KATNAL1: variants seen among roughly 807,000 people sequenced by gnomAD.
KATNAL1 encodes katanin catalytic subunit A1 like 1.
Under a neutral mutation model 55.2 loss-of-function variants are expected in KATNAL1, and 32 were observed. That is an observed-to-expected ratio of 0.58 (90% CI 0.44 to 0.78). The LOEUF (loss-of-function observed/expected upper bound fraction) is 0.78, where lower values mean the gene tolerates loss of function less well. Among genes scored for constraint, KATNAL1 ranks in the 30% least tolerant of loss-of-function variants. The pLI is 0.00. For synonymous variants in KATNAL1, 193 were observed against 193.6 expected (o/e 1.00, Z 0.02); for missense variants, 466 against 600.9 (o/e 0.78, Z 2.35).
At chr13:30,244,187 T>C (rs1035135965) in intron 4 of KATNAL1, among the ~76,000 whole-genome samples, 1 of 152,050 alleles carries the variant, frequency 6.6e-6, no homozygotes, top group Admixed American at 6.6e-5. Flanking sequence ...AGTGTTTGGT[T>C]TTCTGTTCCT....
chr13:30,277,920 T>C (rs967174777), intron 3 of KATNAL1, among the ~76,000 whole-genome samples: 5 of 139,386 alleles, frequency 3.6e-5, no homozygotes, highest in Non-Finnish European at 6.0e-5. Context: ...GAGGCGGAGC[T>C]TGCAGTGAGC....
intron 1 of KATNAL1, among the ~76,000 whole-genome samples, chr13:30,302,679 T>G (rs1282967351): frequency 3.3e-5 from 5 of 152,198 alleles, no homozygotes; most frequent in Admixed American, 6.5e-5. Flanking sequence ...AAATACATTG[T>G]TTTTTGGAGA....
chr13:30,223,137 AG>A (rs1408759548), intron 9 of KATNAL1, among the ~76,000 whole-genome samples: 1 of 151,660 alleles, frequency 6.6e-6, no homozygotes, highest in Non-Finnish European at 1.5e-5. Context: ...ACAAATAGCA[AG>A]GCTCAACTAT....
At chr13:30,225,509 T>C (rs1376808085) in intron 9 of KATNAL1, among the ~76,000 whole-genome samples, 2 of 152,226 alleles carry the variant, frequency 1.3e-5, no homozygotes, top group Non-Finnish European at 2.9e-5. Context: ...TGGAACAGAA[T>C]AGTATTCAGA....
At chr13:30,217,825 TACTC>T (rs1874441724) in intron 9 of KATNAL1, among the ~76,000 whole-genome samples, 1 of 151,988 alleles carries the variant, frequency 6.6e-6, no homozygotes, top group Non-Finnish European at 1.5e-5. Flanking sequence ...CCATGGTAAA[TACTC>T]AATAAATGTT....
chr13:30,220,452 C>T (rs1874733144), intron 9 of KATNAL1, among the ~76,000 whole-genome samples: 1 of 151,836 alleles, frequency 6.6e-6, no homozygotes, highest in Non-Finnish European at 1.5e-5. Flanking sequence ...CAGAGCAAGA[C>T]TCCATCTCAA....
At position 30,283,652 on chromosome 13, in the gene KATNAL1, T is replaced by G. The variant is rs1012792245; in HGVS notation, c.126A>C (p.Ser42=). The change falls in exon 2 of 11, where the codon TCA becomes TCC. Residue 42 remains serine (S), a synonymous_variant. Transcript: ENST00000380615. ...TGCCTTTGATAGCTGGATCTCTGAC[T>G]GACTGGCAATGTCTCTGAATCTGCT... is the stretch of plus-strand genomic sequence containing the variant. ...VMQQIQRHCQ[S]VRDPAIKGKW... 1.2e-6 allele frequency: 2 copies of G among 1,613,886 alleles called. No individual in the cohort carries two copies. The highest frequency in any genetic ancestry group is 1.7e-6 in the Non-Finnish European group (2 of 1,179,942).
At position 30,290,257 on chromosome 13, in the gene KATNAL1, C is replaced by T. The variant is rs181727232; in HGVS notation, c.-14-6466G>A. Among the ~76,000 whole-genome samples the T allele has an allele frequency of 2.6e-5, 4 of 151,918 alleles. No homozygotes were observed. In the East Asian group the frequency reaches 7.7e-4, roughly 29 times the overall value. The stretch of plus-strand genomic sequence containing the variant: ...AAAACAAGAGAAAATTTCAATGTAG[C>T]CAAAAGCAGGTTCTTCACAAATATC... On this transcript the variant is annotated intron_variant, in intron 1 of 10. Transcript: ENST00000380615.
intron 3 of KATNAL1, among the ~76,000 whole-genome samples, chr13:30,276,221 G>T (rs1880830730): frequency 6.6e-6 from 1 of 152,070 alleles, no homozygotes; most frequent in African/African-American, 2.4e-5. Context: ...ATATTATTTT[G>T]ATTTATCCAA....
intron 10 of KATNAL1, among the ~76,000 whole-genome samples, chr13:30,209,303 T>G (rs752476485): frequency 6.6e-6 from 1 of 152,148 alleles, no homozygotes; most frequent in East Asian, 1.9e-4. Context: ...AATATGAAGG[T>G]CTGGAAGAAA....
intron 6 of KATNAL1, among the ~76,000 whole-genome samples, chr13:30,232,528 T>C (rs1011823072): frequency 9.2e-5 from 14 of 152,176 alleles, no homozygotes; most frequent in Non-Finnish European, 1.8e-4. Flanking sequence ...TTGCATGAGG[T>C]TGAGATTTTA....
At position 30,279,140 on chromosome 13, in the gene KATNAL1, G is replaced by A. The variant is rs117157753; in HGVS notation, c.323+923C>T. Among the ~76,000 whole-genome samples, 184 of 152,284 alleles carry A rather than the reference G, an allele frequency of 1.2e-3. 1 individual carries two copies. The East Asian group carries it at 0.024, about 20-fold the overall frequency. ...AATAAAGCAGACAGAAAGCCAGAAA[G>A]ACCTAAACTCACATCCTGATCTAGC... On this transcript the variant is annotated intron_variant, in intron 3 of 10. Coordinates refer to ENST00000380615, the MANE Select transcript of KATNAL1 (RefSeq NM_032116.5).
intron 9 of KATNAL1, among the ~76,000 whole-genome samples, 162 bp downstream of exon 9, chr13:30,227,250 G>C (rs746578968): frequency 5.3e-5 from 8 of 152,138 alleles, no homozygotes; most frequent in Non-Finnish European, 1.0e-4. Flanking sequence ...TGAAACATAA[G>C]AAATTTCAAT....
chr13:30,218,185 T>C (rs1874487654), intron 9 of KATNAL1, among the ~76,000 whole-genome samples: 1 of 137,434 alleles, frequency 7.3e-6, no homozygotes, highest in East Asian at 2.2e-4. Flanking sequence ...ATACATAAGA[T>C]GTGAACTTGC....
At chr13:30,293,175 T>TA (rs149971546) in intron 1 of KATNAL1, among the ~76,000 whole-genome samples, 3,080 of 152,318 alleles carry the variant, frequency 0.02, 39 homozygotes, top group Non-Finnish European at 0.032. Context: ...ATCCAGGAAT[T>TA]AGACTTCCTC....
intron 1 of KATNAL1, among the ~76,000 whole-genome samples, chr13:30,285,550 C>G (rs1484955944): frequency 6.6e-6 from 1 of 152,156 alleles, no homozygotes; most frequent in Non-Finnish European, 1.5e-5. Flanking sequence ...AACTGGGAGT[C>G]AATTAAACCT....
At chr13:30,240,420 G>A (rs756108085) in intron 6 of KATNAL1, 40 bp downstream of exon 6, 1 of 1,341,352 alleles carries the variant, frequency 7.5e-7, no homozygotes, top group African/African-American at 1.4e-5. Flanking sequence ...CCAGTGCCAA[G>A]TAGCATTCTT....
rs146079809 is a variant in KATNAL1, at chr13:30,255,707, TAAATC to T, written c.324-97_324-93del. On this transcript the variant is annotated intron_variant, in intron 3 of 10. Transcript: ENST00000380615. ...ATACTATCTTAGTCAATAAAATTGT[TAAATC>T]AAAAAGCCCGAAAGCTAATTTTTTC... 2.9e-3 allele frequency: 3,361 copies of T among 1,178,750 alleles called. 71 individuals are homozygous for T. The African/African-American group carries it at 0.048, about 17-fold the overall frequency. The allele number at this position is 1,178,750 out of a possible 1,614,324, so 73.0% of individuals were successfully genotyped here.
At chr13:30,252,290 A>G (rs1878391647) in intron 4 of KATNAL1, among the ~76,000 whole-genome samples, 1 of 152,236 alleles carries the variant, frequency 6.6e-6, no homozygotes, top group Non-Finnish European at 1.5e-5. Flanking sequence ...TTCAAAAAGG[A>G]TAAGTGCGCT....
Sources: gnomAD v4.1 joint callset for allele counts (sites outside exome capture counted in the v4.1 genomes callset) on GRCh38, gnomAD v4.1.1 for gene constraint, MANE v1.5 for transcripts, NCBI Gene and HGNC (gene_info 2026-07-23, HGNC 2026-07-21) for gene names.